Variants in SAMD5 observed in about 807,000 individuals in gnomAD.
SAMD5 encodes sterile alpha motif domain containing 5.
SAMD5 carries 13 observed loss-of-function variants against 11.3 expected under a neutral mutation model. The observed-to-expected ratio is 1.15, with a 90% CI of 0.75 to 1.83. The LOEUF (loss-of-function observed/expected upper bound fraction) is 1.83, where lower values mean the gene tolerates loss of function less well. SAMD5 is among the 40% of genes most tolerant of loss of function. SAMD5 has a pLI of 0.00. For missense variants in SAMD5, 255 were observed against 239.1 expected, an observed-to-expected ratio of 1.07 and a Z score of -0.44; for synonymous variants, 129 against 111.3, an observed-to-expected ratio of 1.16 and a Z score of -1.00.
chr6:147,730,616 G>A (rs73787395), intron 1 of SAMD5, among the ~76,000 whole-genome samples: 1,789 of 152,190 alleles, frequency 0.012, 38 homozygotes, highest in African/African-American at 0.042. Flanking sequence ...TAGGAGATGT[G>A]GGCATGTTGA....
At chr6:147,733,317 T>C (rs1791744624) in intron 1 of SAMD5, among the ~76,000 whole-genome samples, 1 of 152,326 alleles carries the variant, frequency 6.6e-6, no homozygotes, top group South Asian at 2.1e-4. Flanking sequence ...TTTACTTGGG[T>C]AGTGTATTTG....
rs191841939 is a variant in SAMD5, at chr6:147,597,117, G to A, written c.162+87730G>A. Among the ~76,000 whole-genome samples the A allele has an allele frequency of 5.1e-3, 771 of 152,144 alleles. 4 individuals carry two copies. The highest frequency in any genetic ancestry group is 0.027 in the Middle Eastern group (8 of 294). The stretch of plus-strand genomic sequence containing the variant: ...TAGTTAGCCAGCGAATATTTTAGAA[G>A]GATATTTATCATACAGACGGATCTT... On this transcript the variant is annotated intron_variant, in intron 1 of 1. Coordinates refer to the SAMD5 transcript ENST00000566741.
chr6:147,672,617 A>G (rs1434272388), intron 1 of SAMD5, among the ~76,000 whole-genome samples: 2 of 152,160 alleles, frequency 1.3e-5, no homozygotes, highest in Non-Finnish European at 2.9e-5. Context: ...TAAAAGGCTT[A>G]TATTGAAGAA....
At chr6:147,611,606 G>A (rs2128449185) in intron 1 of SAMD5, among the ~76,000 whole-genome samples, 1 of 152,236 alleles carries the variant, frequency 6.6e-6, no homozygotes, top group East Asian at 1.9e-4. Context: ...ACCGCAGAAA[G>A]TGAGGGACAA....
chr6:147,951,603 T>C, the SAMD5 span, among the ~76,000 whole-genome samples: 1 of 152,074 alleles, frequency 6.6e-6, no homozygotes, highest in African/African-American at 2.4e-5. Flanking sequence ...TTCAAGGAGA[T>C]TGGTGTGGGT....
intron 1 of SAMD5, among the ~76,000 whole-genome samples, chr6:147,735,637 C>T (rs547503052): frequency 1.3e-5 from 2 of 149,592 alleles, no homozygotes; most frequent in Non-Finnish European, 2.9e-5. Flanking sequence ...TTTCAGAGAT[C>T]GTATCATCTA....
intron 1 of SAMD5, among the ~76,000 whole-genome samples, chr6:147,679,997 T>C (rs891507387): frequency 6.6e-6 from 1 of 152,100 alleles, no homozygotes; most frequent in Non-Finnish European, 1.5e-5. Context: ...CTATTTTGAT[T>C]ACTGCAGATT....
chr6:147,541,874 C>G (rs1320131081), intron 1 of SAMD5, among the ~76,000 whole-genome samples: 1 of 152,128 alleles, frequency 6.6e-6, no homozygotes, highest in Non-Finnish European at 1.5e-5. Flanking sequence ...AACCAAGATC[C>G]CCCAGGAGCT....
At chr6:147,877,548 A>G in the SAMD5 span, among the ~76,000 whole-genome samples, 19 of 152,314 alleles carry the variant, frequency 1.2e-4, no homozygotes, top group Middle Eastern at 3.4e-3. Flanking sequence ...TGGCTTGGCT[A>G]TGGTGCCCAG....
chr6:147,528,234 G>A (rs1205368830), intron 1 of SAMD5, among the ~76,000 whole-genome samples: 1 of 152,210 alleles, frequency 6.6e-6, no homozygotes, highest in Non-Finnish European at 1.5e-5. Context: ...ACTCCTGACT[G>A]TATTAGTTTG....
chr6:147,724,443 T>A (rs1473093846), intron 1 of SAMD5, among the ~76,000 whole-genome samples: 2 of 152,244 alleles, frequency 1.3e-5, no homozygotes, highest in African/African-American at 4.8e-5. Flanking sequence ...TATTGGGTCA[T>A]TTTTAAGGCA....
intron 1 of SAMD5, among the ~76,000 whole-genome samples, chr6:147,661,732 C>T (rs1339705304): frequency 1.3e-5 from 2 of 152,244 alleles, no homozygotes; most frequent in East Asian, 1.9e-4. Context: ...CGGGTTTAAG[C>T]GATTCTCCTG....
the SAMD5 span, among the ~76,000 whole-genome samples, chr6:147,880,942 G>A: frequency 6.6e-6 from 1 of 152,082 alleles, no homozygotes; most frequent in Non-Finnish European, 1.5e-5. Flanking sequence ...CTTGGGCAAG[G>A]ATGTTAATCT....
At chr6:147,659,484 C>G (rs1790617348) in intron 1 of SAMD5, among the ~76,000 whole-genome samples, 1 of 152,120 alleles carries the variant, frequency 6.6e-6, no homozygotes, top group Non-Finnish European at 1.5e-5. Context: ...CTTGAGTCTT[C>G]TATACTAGCT....
the SAMD5 span, among the ~76,000 whole-genome samples, chr6:147,859,688 T>C: frequency 6.6e-6 from 1 of 152,242 alleles, no homozygotes; most frequent in South Asian, 2.1e-4. Context: ...TTAAAAGCAT[T>C]TTCTTCATTA....
At chr6:147,895,286 T>C in the SAMD5 span, among the ~76,000 whole-genome samples, 2 of 152,066 alleles carry the variant, frequency 1.3e-5, no homozygotes, top group Admixed American at 1.3e-4. Flanking sequence ...CCCTGGAAAA[T>C]GCCCTTGTTA....
the SAMD5 span, among the ~76,000 whole-genome samples, chr6:147,830,251 C>CTTTCT: frequency 2.9e-4 from 25 of 84,940 alleles, no homozygotes; most frequent in African/African-American, 1.1e-3. Context: ...TTCTTTCTTT[C>CTTTCT]TTTTTTTTTT....
intron 1 of SAMD5, chr6:147,660,590 A>T (rs1230087398): frequency 6.6e-6 from 1 of 152,234 alleles, no homozygotes; most frequent in East Asian, 1.9e-4. Context: ...GGCCTGGTAC[A>T]AAGTAATTGG....
chr6:147,773,533 T>A, the SAMD5 span, among the ~76,000 whole-genome samples: 2 of 152,202 alleles, frequency 1.3e-5, no homozygotes, highest in Non-Finnish European at 2.9e-5. Flanking sequence ...AAGCTCAAGG[T>A]GCTGGCAGAT....
Sources: gnomAD v4.1 joint callset for allele counts (sites outside exome capture counted in the v4.1 genomes callset) on GRCh38, gnomAD v4.1.1 for gene constraint, MANE v1.5 for transcripts, NCBI Gene and HGNC (gene_info 2026-07-23, HGNC 2026-07-21) for gene names.